The following ZNF730 variants were observed in gnomAD, a reference collection of about 807,000 sequenced individuals.
ZNF730 encodes the protein putative zinc finger protein 730.
In ZNF730, 12 loss-of-function variants were observed where a neutral mutation model predicts 12.6. That is an observed-to-expected ratio of 0.95 (90% confidence interval 0.61 to 1.54). The LOEUF (loss-of-function observed/expected upper bound fraction) is 1.54. ZNF730 is among the 40% of genes most tolerant of loss of function. The probability of loss-of-function intolerance (pLI) is 0.00; values close to 1 mark genes in which losing one functional copy is unlikely to be tolerated. For synonymous variants in ZNF730, 194 were observed against 195.8 expected, an observed-to-expected ratio of 0.99 and a Z score of 0.08; for missense variants, 643 against 583.5, an observed-to-expected ratio of 1.10 and a Z score of -1.05.
chr19:23,145,825 T>C lies in ZNF730; in HGVS notation c.781T>C (p.Cys261Arg). ...TGEKPYQCEK[C>R]GKFFNQSTNL... ...AGAAAAACCCTACCAATGTGAGAAA[T>C]GTGGCAAATTTTTTAACCAATCCAC... The change falls in exon 4 of 4, where the codon TGT becomes CGT. Residue 261 changes from cysteine (C) to arginine (R), a missense_variant. Cys to Arg is a radical substitution (Grantham distance 180). Coordinates refer to ENST00000597761, the MANE Select transcript of ZNF730 (RefSeq NM_001277403.2). The C allele has an allele frequency of 6.2e-7, 1 of 1,600,294 alleles. No individual in the cohort carries two copies. The highest frequency in any genetic ancestry group is 1.3e-5 in the African/African-American group (1 of 74,410).
chr19:23,080,056 C>G (rs566280285), intron 1 of ZNF730, among the ~76,000 whole-genome samples: 22 of 151,700 alleles, frequency 1.5e-4, no homozygotes, highest in African/African-American at 5.1e-4. Context: ...AGCAATTCTC[C>G]TGCCTCAGCC....
intron 1 of ZNF730, among the ~76,000 whole-genome samples, chr19:23,133,092 T>C (rs960493466): frequency 4.6e-5 from 7 of 152,222 alleles, no homozygotes; most frequent in Non-Finnish European, 1.0e-4. Context: ...TAATTATTTT[T>C]CTCTTCATTA....
intron 3 of ZNF730, among the ~76,000 whole-genome samples, chr19:23,140,823 G>A (rs1371578346): frequency 6.6e-6 from 1 of 151,472 alleles, no homozygotes; most frequent in Non-Finnish European, 1.5e-5. Flanking sequence ...ATGGTGGCCA[G>A]TGCCTGTAGT....
chr19:23,100,235 G>A (rs1568305675), intron 1 of ZNF730: 1 of 152,156 alleles, frequency 6.6e-6, no homozygotes, highest in Non-Finnish European at 1.5e-5. Flanking sequence ...CCAGCACACA[G>A]TTAATGTCAC....
chr19:23,119,789 C>A (rs557532541), intron 1 of ZNF730, among the ~76,000 whole-genome samples: 2 of 152,054 alleles, frequency 1.3e-5, no homozygotes, highest in South Asian at 4.2e-4. Context: ...TGCACTCCAG[C>A]CTGGCGACAG....
chr19:23,101,592 G>T (rs1377881174), intron 1 of ZNF730, among the ~76,000 whole-genome samples: 1 of 152,184 alleles, frequency 6.6e-6, no homozygotes, highest in Non-Finnish European at 1.5e-5. Context: ...GCCCACAGAT[G>T]AGATTGTGAC....
chr19:23,122,205 G>A (rs980224747), intron 1 of ZNF730, among the ~76,000 whole-genome samples: 3 of 121,234 alleles, frequency 2.5e-5, no homozygotes, highest in South Asian at 2.9e-4. Context: ...ACAATGGCAC[G>A]ATCTTGGCTC....
At chr19:23,080,643 G>C (rs1447014449) in intron 1 of ZNF730, among the ~76,000 whole-genome samples, 1 of 152,004 alleles carries the variant, frequency 6.6e-6, no homozygotes, top group Non-Finnish European at 1.5e-5. Context: ...CCAAAGTGCT[G>C]GGATTACAGA....
intron 1 of ZNF730, among the ~76,000 whole-genome samples, chr19:23,093,494 C>G (rs1599573292): frequency 6.6e-6 from 1 of 152,182 alleles, no homozygotes; most frequent in African/African-American, 2.4e-5. Flanking sequence ...TAGGGGGTAC[C>G]CCTGCTTGGC....
chr19:23,128,506 G>C (rs1970699185), intron 1 of ZNF730: 3 of 293,316 alleles, frequency 1.0e-5, no homozygotes. Flanking sequence ...AAGAAGGCAA[G>C]CTTCCTCAGA....
chr19:23,089,276 G>T (rs911261201), intron 1 of ZNF730, among the ~76,000 whole-genome samples: 1 of 150,778 alleles, frequency 6.6e-6, no homozygotes, highest in Admixed American at 6.6e-5. Flanking sequence ...GTGTGATCTC[G>T]GCTTCTGGCA....
chr19:23,123,401 C>G (rs1192913301), intron 1 of ZNF730: 1 of 152,282 alleles, frequency 6.6e-6, no homozygotes, highest in Non-Finnish European at 1.5e-5. Context: ...AACCCCGTCT[C>G]TACTAAAAAC....
intron 1 of ZNF730, among the ~76,000 whole-genome samples, chr19:23,120,130 G>A (rs1970581456): frequency 1.3e-5 from 2 of 151,838 alleles, no homozygotes; most frequent in Non-Finnish European, 1.5e-5. Context: ...AAGTAGCCAG[G>A]ACTACAGGCG....
At chr19:23,102,420 T>A (rs1198379368) in intron 1 of ZNF730, among the ~76,000 whole-genome samples, 1 of 152,010 alleles carries the variant, frequency 6.6e-6, no homozygotes, top group East Asian at 1.9e-4. Flanking sequence ...CTCTCCCTAT[T>A]CACAGGTAAG....
chr19:23,079,155 A>T (rs1322143745), intron 1 of ZNF730, among the ~76,000 whole-genome samples: 3 of 151,510 alleles, frequency 2.0e-5, no homozygotes, highest in Non-Finnish European at 4.4e-5. Flanking sequence ...TTATGACACA[A>T]TTTTTTCTAG....
At chr19:23,127,497 A>C in intron 1 of ZNF730, 1 of 1,001,646 alleles carries the variant, frequency 1.0e-6, no homozygotes, top group East Asian at 2.4e-5. Flanking sequence ...GAAGCATCAA[A>C]ATCAGCTCTT....
At chr19:23,135,922 G>C (rs758797352) in intron 2 of ZNF730, 26 bp from the exon 3 acceptor site, 121 of 1,586,256 alleles carry the variant, frequency 7.6e-5, no homozygotes, top group Non-Finnish European at 9.7e-5. Flanking sequence ...ATATGAGCAA[G>C]ATTCATGTTA....
chr19:23,086,380 C>T (rs1441533628), intron 1 of ZNF730, among the ~76,000 whole-genome samples: 3 of 151,824 alleles, frequency 2.0e-5, no homozygotes, highest in African/African-American at 4.8e-5. Context: ...TTTGCCTGTG[C>T]CTATGTCCTG....
intron 1 of ZNF730, among the ~76,000 whole-genome samples, chr19:23,111,091 A>G (rs1970456095): frequency 6.6e-6 from 1 of 151,808 alleles, no homozygotes; most frequent in Non-Finnish European, 1.5e-5. Flanking sequence ...CATTATTAAC[A>G]GCTCTGCATT....
Sources: allele counts gnomAD v4.1 joint callset (sites outside exome capture counted in the v4.1 genomes callset), GRCh38; gene constraint gnomAD v4.1.1; transcripts MANE v1.5; gene names NCBI Gene and HGNC (gene_info 2026-07-23, HGNC 2026-07-21).